The following SETBP1 variants were observed in gnomAD, a reference collection of about 807,000 sequenced individuals.
SETBP1 encodes the protein SET binding protein 1.
In SETBP1, 9 loss-of-function variants were observed where a neutral mutation model predicts 101.0. The observed-to-expected ratio is 0.09, with a 90% CI of 0.05 to 0.16. The LOEUF (loss-of-function observed/expected upper bound fraction) is 0.16. Ranked by LOEUF, SETBP1 falls within the 10% of genes least tolerant of loss-of-function variation. The pLI is 1.00. For missense variants in SETBP1, 1,858 were observed against 2,033.8 expected (o/e 0.91, Z 1.66); for synonymous variants, 818 against 788.5 (o/e 1.04, Z -0.63).
At chr18:44,998,655 T>C (rs536477618) in intron 4 of SETBP1, among the ~76,000 whole-genome samples, 1 of 152,346 alleles carries the variant, frequency 6.6e-6, no homozygotes, top group East Asian at 1.9e-4. Flanking sequence ...CCAATGTGTC[T>C]TCTGCCCTCC....
chr18:45,040,477 G>A lies in SETBP1; in HGVS notation c.4171+1822G>A, dbSNP rs901947073. Among the ~76,000 whole-genome samples the A allele has an allele frequency of 2.0e-5, 3 of 152,274 alleles. No homozygotes were observed. In the South Asian group the frequency reaches 6.2e-4, roughly 32 times the overall value. On this transcript the variant is annotated intron_variant, in intron 5 of 5. Transcript: ENST00000649279. ...TTGTCTGCACCCACCCAGATCAGTGGTTATTCAACCTTGTCGATTAAGCAC... is the reference window on the plus strand; with the variant it reads ...TTGTCTGCACCCACCCAGATCAGTGATTATTCAACCTTGTCGATTAAGCAC...
intron 5 of SETBP1, among the ~76,000 whole-genome samples, chr18:45,062,330 A>G (rs886451396): frequency 1.3e-5 from 2 of 152,228 alleles, no homozygotes; most frequent in African/African-American, 4.8e-5. Flanking sequence ...CACCTGGCTG[A>G]TACTTCCCTT....
At chr18:44,973,261 C>G (rs1230513484) in intron 4 of SETBP1, among the ~76,000 whole-genome samples, 1 of 152,176 alleles carries the variant, frequency 6.6e-6, no homozygotes, top group Non-Finnish European at 1.5e-5. Context: ...TTTTGATGTG[C>G]TGCTGGATTC....
At chr18:44,985,738 G>A (rs762639801) in intron 4 of SETBP1, among the ~76,000 whole-genome samples, 1 of 152,098 alleles carries the variant, frequency 6.6e-6, no homozygotes, top group African/African-American at 2.4e-5. Context: ...TCTGCTTTTA[G>A]GGCTATGAAT....
chr18:44,711,333 C>A (rs2069336233), intron 2 of SETBP1, among the ~76,000 whole-genome samples: 1 of 142,550 alleles, frequency 7.0e-6, no homozygotes, highest in Admixed American at 7.2e-5. Flanking sequence ...ACTGCAGCTT[C>A]ATCTGGGAGA....
chr18:45,063,236 A>C lies in SETBP1; in HGVS notation c.4329A>C (p.Ser1443=), dbSNP rs1293394239. 1 of 1,613,906 alleles carries C rather than the reference A, an allele frequency of 6.2e-7. No homozygotes were observed. Among genetic ancestry groups the C allele is most frequent in the East Asian group, 2.2e-5 (1 of 44,846 alleles). The change falls in exon 6 of 6, where the codon TCA becomes TCC. Residue 1443 remains serine, a synonymous_variant. Coordinates refer to ENST00000649279, the MANE Select transcript of SETBP1 (RefSeq NM_015559.3). ...ILKAKRLQRQ[S]KTGNNFVKKR... ...AGGCCAAGCGGCTGCAGAGACAATC[A>C]AAAACAGGCAACAACTTCGTGAAGA... is the stretch of plus-strand genomic sequence containing the variant.
intron 3 of SETBP1, among the ~76,000 whole-genome samples, chr18:44,936,637 G>A (rs754092757): frequency 7.9e-5 from 12 of 152,170 alleles, no homozygotes; most frequent in Non-Finnish European, 1.6e-4. Context: ...TCTTCTAGGG[G>A]CACGTTTGCT....
intron 4 of SETBP1, among the ~76,000 whole-genome samples, chr18:45,002,776 T>C (rs535535742): frequency 1.8e-4 from 27 of 152,344 alleles, no homozygotes; most frequent in African/African-American, 6.5e-4. Context: ...TTTCTTTATA[T>C]AGAAAGGTGT....
chr18:44,951,265 C>A lies in SETBP1; in HGVS notation c.1925C>A (p.Pro642His), dbSNP rs1408306200. 6.2e-7 allele frequency: 1 copy of A among 1,613,816 alleles called. No individual in the cohort carries two copies. Among genetic ancestry groups the A allele is most frequent in the Non-Finnish European group, 8.5e-7 (1 of 1,180,024 alleles). ...CAGCTAGTGCCGGGAGAGGACAAAC[C>A]CATGAGCGAGATGAAATTTCACAAG... is the stretch of plus-strand genomic sequence containing the variant. ...LAQLVPGEDKPMSEMKFHKKV... is the reference protein window; with the variant it reads ...LAQLVPGEDKHMSEMKFHKKV... The change falls in exon 4 of 6, where the codon CCC becomes CAC. Residue 642 changes from proline (P) to histidine (H), a missense_variant. Coordinates refer to ENST00000649279, the MANE Select transcript of SETBP1 (RefSeq NM_015559.3). This position sits in a 1 kb window ranked among gnomAD's most constrained non-coding sequence, Gnocchi z 7.8.
intron 2 of SETBP1, among the ~76,000 whole-genome samples, chr18:44,716,047 A>T (rs1433918226): frequency 2.0e-5 from 3 of 152,012 alleles, no homozygotes; most frequent in Non-Finnish European, 4.4e-5. Context: ...CCCAGGAAAA[A>T]ACCATCTGCT....
chr18:44,940,930 A>G (rs2145046045), intron 3 of SETBP1, among the ~76,000 whole-genome samples: 1 of 151,982 alleles, frequency 6.6e-6, no homozygotes, highest in South Asian at 2.1e-4. Context: ...CTCGGTTTTT[A>G]TTTATCTGAA....
chr18:44,890,308 A>G (rs972539175), intron 3 of SETBP1, among the ~76,000 whole-genome samples: 3 of 152,116 alleles, frequency 2.0e-5, no homozygotes, highest in Non-Finnish European at 4.4e-5. Flanking sequence ...AGTATCGCCA[A>G]ATCTTTATGT....
chr18:44,951,306 G>A lies in SETBP1; in HGVS notation c.1966G>A (p.Gly656Ser), dbSNP rs762821714. ...MKFHKKVGKLGVLDKKTIKTI... is the reference protein window; with the variant it reads ...MKFHKKVGKLSVLDKKTIKTI... Reference sequence around the variant, plus strand: ...ATTTCACAAGAAAGTTGGAAAGCTCGGCGTGTTGGATAAGAAGACCATCAA... The same window carrying A: ...ATTTCACAAGAAAGTTGGAAAGCTCAGCGTGTTGGATAAGAAGACCATCAA... Residue 656 changes from glycine (G) to serine (S), a missense_variant, in exon 4 of 6, where the codon GGC becomes AGC. Physicochemically the swap from Gly to Ser is moderately conservative, Grantham distance 56 (BLOSUM62 0). This residue lies in a region of SETBP1 where 111 missense variants were observed against 119.3 expected (regional missense o/e 0.93). Transcript: ENST00000649279. This position sits in a 1 kb window ranked among gnomAD's most constrained non-coding sequence, Gnocchi z 7.8. 19 of 1,613,434 alleles carry A rather than the reference G, an allele frequency of 1.2e-5. No individual in the cohort carries two copies. The highest frequency in any genetic ancestry group is 7.7e-5 in the South Asian group (7 of 91,074).
intron 2 of SETBP1, among the ~76,000 whole-genome samples, chr18:44,865,644 G>T (rs1007060538): frequency 1.3e-5 from 2 of 152,190 alleles, no homozygotes; most frequent in Non-Finnish European, 2.9e-5. Context: ...GCTTTGAAAA[G>T]GGGAGTGCTC....
chr18:45,018,643 A>G (rs1163882256), intron 4 of SETBP1, among the ~76,000 whole-genome samples: 4 of 152,226 alleles, frequency 2.6e-5, no homozygotes, highest in Non-Finnish European at 4.4e-5. Context: ...TTTTTACTTC[A>G]TTGAAGCCTC....
chr18:44,928,125 T>C (rs2070745935), intron 3 of SETBP1, among the ~76,000 whole-genome samples: 3 of 152,300 alleles, frequency 2.0e-5, no homozygotes, highest in Admixed American at 1.3e-4. Context: ...GTTCGCACCC[T>C]GTGTCCAAGT....
intron 3 of SETBP1, among the ~76,000 whole-genome samples, chr18:44,885,314 GA>G (rs945001845): frequency 6.6e-6 from 1 of 152,024 alleles, no homozygotes; most frequent in Non-Finnish European, 1.5e-5. Flanking sequence ...CAGAGTTAAA[GA>G]AAAAACAACA....
chr18:44,955,957 T>C (rs2071471865), intron 4 of SETBP1, among the ~76,000 whole-genome samples: 1 of 152,220 alleles, frequency 6.6e-6, no homozygotes. Context: ...CTTTTCTGAA[T>C]ATCAGCCTGG....
chr18:45,032,465 C>T (rs2073316368), intron 4 of SETBP1, among the ~76,000 whole-genome samples: 1 of 152,122 alleles, frequency 6.6e-6, no homozygotes, highest in Admixed American at 6.6e-5. Flanking sequence ...TAACCTTCAT[C>T]CTAAAAGGTG....
Sources: gnomAD v4.1 joint callset for allele counts (sites outside exome capture counted in the v4.1 genomes callset) on GRCh38, gnomAD v4.1.1 for gene constraint, gnomAD v4.1.1 regional missense constraint, Gnocchi (gnomAD v3.1) non-coding constraint, MANE v1.5 for transcripts, NCBI Gene and HGNC (gene_info 2026-07-23, HGNC 2026-07-21) for gene names.